The following HEATR5A variants were observed in gnomAD, a reference collection of about 807,000 sequenced individuals.
The protein encoded by HEATR5A is HEAT repeat-containing protein 5A.
HEATR5A carries 178 observed loss-of-function variants against 218.8 expected under a neutral mutation model. That is an observed-to-expected ratio of 0.81 (90% CI 0.72 to 0.92). The LOEUF (loss-of-function observed/expected upper bound fraction) is 0.92. Among genes scored for constraint, HEATR5A ranks in the 40% least tolerant of loss-of-function variants. HEATR5A has a pLI of 0.00. For missense variants in HEATR5A, 2,420 were observed against 2,418.9 expected, an observed-to-expected ratio of 1.00 and a Z score of -0.01; for synonymous variants, 864 against 871.6, an observed-to-expected ratio of 0.99 and a Z score of 0.15.
chr14:31,340,601 G>A (rs1900809289), intron 21 of HEATR5A: 1 of 496,738 alleles, frequency 2.0e-6, no homozygotes, highest in Admixed American at 3.9e-5. Context: ...AATTGGCTTA[G>A]CTTCAGCTTA....
Position 31,302,938 on chromosome 14 carries a change from C to CAA in HEATR5A, c.5240-421_5240-420dup, listed in dbSNP as rs747481722. On this transcript the variant is annotated intron_variant, in intron 32 of 35. Coordinates refer to ENST00000543095, the MANE Select transcript of HEATR5A (RefSeq NM_015473.4). Reference sequence around the variant, plus strand: ...GCAACACAGTGAGACTTCATCTTTACAAAAAAAAAAAAAAAAAAAAAAAAA... The same window carrying CAA: ...GCAACACAGTGAGACTTCATCTTTACAAAAAAAAAAAAAAAAAAAAAAAAAAA... 1.7e-3 allele frequency among the ~76,000 whole-genome samples: 170 copies of CAA among 102,182 alleles called. 7 individuals are homozygous for CAA. The highest frequency in any genetic ancestry group is 6.1e-3 in the African/African-American group (145 of 23,878). The allele number at this position is 102,182 out of a possible 152,430, so 67.0% of individuals were successfully genotyped here.
At chr14:31,416,461 A>T (rs1442305432) in intron 1 of HEATR5A, among the ~76,000 whole-genome samples, 1 of 152,156 alleles carries the variant, frequency 6.6e-6, no homozygotes, top group African/African-American at 2.4e-5. Context: ...TACAGCTTTA[A>T]ATATTTAAAA....
chr14:31,394,286 C>T, intron 5 of HEATR5A, 60 bp from the exon 6 acceptor site: 1 of 1,075,156 alleles, frequency 9.3e-7, no homozygotes, highest in Middle Eastern at 2.1e-4. Flanking sequence ...AGGTTCAGAG[C>T]TATGTAAGTT....
chr14:31,350,758 GTTTTTGT>G, intron 16 of HEATR5A, 41 bp from the exon 17 acceptor site: 1 of 921,284 alleles, frequency 1.1e-6, no homozygotes, highest in Non-Finnish European at 1.6e-6. Flanking sequence ...AAGTAGGTAA[GTTTTTGT>G]TTGTTTGTTT....
In HEATR5A at chr14:31,313,074, T is replaced by TA. The variant is rs1351692557; in HGVS notation, c.4334dup (p.Leu1445PhefsTer36). 1.2e-6 allele frequency: 2 copies of TA among 1,613,866 alleles called. No homozygotes were observed. The highest frequency in any genetic ancestry group is 1.7e-6 in the Non-Finnish European group (2 of 1,179,798). ...TTAGTGTGCCAAGATCTGCATAGAC[T>TA]AAGTCAAGCAGTCCATCTGATGAAC... is the stretch of plus-strand genomic sequence containing the variant. On this transcript the variant is annotated frameshift_variant, in exon 28 of 36. Coordinates refer to ENST00000543095, the MANE Select transcript of HEATR5A (RefSeq NM_015473.4). LOFTEE classifies it high-confidence loss of function.
chr14:31,396,807 G>A (rs2030671678), intron 4 of HEATR5A, among the ~76,000 whole-genome samples: 1 of 152,094 alleles, frequency 6.6e-6, no homozygotes, highest in South Asian at 2.1e-4. Flanking sequence ...AAGGATGTTA[G>A]TTAAAAAAAT....
intron 6 of HEATR5A, among the ~76,000 whole-genome samples, chr14:31,393,239 G>C (rs1434127283): frequency 4.6e-5 from 7 of 152,182 alleles, no homozygotes; most frequent in African/African-American, 1.2e-4. Context: ...CTGGGGGGTG[G>C]TGGCTCACGC....
chr14:31,314,908 C>G (rs1899867263), intron 27 of HEATR5A, among the ~76,000 whole-genome samples: 1 of 152,124 alleles, frequency 6.6e-6, no homozygotes, highest in Non-Finnish European at 1.5e-5. Flanking sequence ...CGTGGTGGCT[C>G]ATGCTTGTGA....
chr14:31,345,270 C>G lies in HEATR5A; in HGVS notation c.2875G>C (p.Ala959Pro), dbSNP rs757074327. The part of the protein sequence containing the change: ...DSTSPDVQTW[A>P]LHSLSLIIDS... ...ATGATCAATGATAGAGAATGTAATG[C>G]CCAGGTCTGTAATGACAAAGAAAAA... The change falls in exon 20 of 36, where the codon GCA becomes CCA. Residue 959 changes from alanine (A) to proline (P), a missense_variant. Ala to Pro is a conservative substitution (Grantham distance 27). Transcript: ENST00000543095. The G allele has an allele frequency of 1.9e-6, 3 of 1,606,114 alleles. No individual in the cohort carries two copies. The highest frequency in any genetic ancestry group is 2.6e-6 in the Non-Finnish European group (3 of 1,175,992).
At chr14:31,418,352 C>T (rs2031524440) in intron 1 of HEATR5A, among the ~76,000 whole-genome samples, 2 of 152,204 alleles carry the variant, frequency 1.3e-5, no homozygotes, top group African/African-American at 4.8e-5. Flanking sequence ...CCAGACAATA[C>T]TCTAGGCTTT....
chr14:31,301,822 T>C (rs1246171470), intron 33 of HEATR5A, among the ~76,000 whole-genome samples: 1 of 143,116 alleles, frequency 7.0e-6, no homozygotes, highest in Non-Finnish European at 1.5e-5. Context: ...TTTTTTTTTT[T>C]TTTTTTTTTT....
At chr14:31,300,913 C>CAGTT (rs934618296) in intron 33 of HEATR5A, among the ~76,000 whole-genome samples, 1 of 151,990 alleles carries the variant, frequency 6.6e-6, no homozygotes, top group Non-Finnish European at 1.5e-5. Flanking sequence ...TAAAAAAAAC[C>CAGTT]AGTTAGAATT....
intron 21 of HEATR5A, among the ~76,000 whole-genome samples, chr14:31,338,857 C>T (rs979491226): frequency 3.3e-5 from 5 of 152,036 alleles, no homozygotes; most frequent in Non-Finnish European, 5.9e-5. Context: ...TGGCTTACGT[C>T]TGTAACGCTA....
chr14:31,378,640 T>C (rs2029873090), intron 11 of HEATR5A, among the ~76,000 whole-genome samples: 1 of 151,728 alleles, frequency 6.6e-6, no homozygotes, highest in Non-Finnish European at 1.5e-5. Flanking sequence ...TACAAAAAAT[T>C]AGCCAGGTGT....
chr14:31,378,888 G>T lies in HEATR5A; in HGVS notation c.1708+1579C>A, dbSNP rs566136527. Among the ~76,000 whole-genome samples, 14 of 151,766 alleles carry T rather than the reference G, an allele frequency of 9.2e-5. No individual in the cohort carries two copies. In the South Asian group the frequency reaches 2.9e-3, roughly 32 times the overall value. On this transcript the variant is annotated intron_variant, in intron 11 of 35. Coordinates refer to ENST00000543095, the MANE Select transcript of HEATR5A (RefSeq NM_015473.4). ...TCCTTTAGGTCAAATTACTTTATAG[G>T]TGTCAAAATGATTTATCGGCCAAAT... is the stretch of plus-strand genomic sequence containing the variant.
At chr14:31,341,358 T>C (rs930577468) in intron 21 of HEATR5A, among the ~76,000 whole-genome samples, 2 of 152,122 alleles carry the variant, frequency 1.3e-5, no homozygotes, top group Non-Finnish European at 2.9e-5. Flanking sequence ...CTTTTTTGAT[T>C]TGGGAAGGCA....
intron 27 of HEATR5A, among the ~76,000 whole-genome samples, chr14:31,313,463 C>T (rs1219110169): frequency 2.0e-5 from 3 of 152,144 alleles, no homozygotes; most frequent in Non-Finnish European, 4.4e-5. Context: ...TATTATATCA[C>T]GGCACTCTTT....
At position 31,307,991 on chromosome 14, in the gene HEATR5A, G is replaced by C; in HGVS notation, c.4720C>G (p.Arg1574Gly). 1.2e-6 allele frequency: 2 copies of C among 1,613,048 alleles called. No homozygotes were observed. The highest frequency in any genetic ancestry group is 1.7e-6 in the Non-Finnish European group (2 of 1,179,530). Reference protein sequence around the residue: ...GISVEFLCSLRSDATMESITA... With the variant: ...GISVEFLCSLGSDATMESITA... The stretch of plus-strand genomic sequence containing the variant: ...ATGCTTTCCATGGTTGCATCTGAAC[G>C]TAAGGAACATAGAAATTCCACGCTG... Residue 1574 changes from arginine to glycine, a missense_variant, in exon 30 of 36, where the codon CGT becomes GGT. Arg to Gly is a moderately radical substitution (Grantham distance 125, BLOSUM62 -2). Transcript: ENST00000543095.
chr14:31,395,717 GTTCC>G (rs574566164), intron 4 of HEATR5A, among the ~76,000 whole-genome samples: 10 of 152,108 alleles, frequency 6.6e-5, no homozygotes, highest in Non-Finnish European at 1.5e-4. Flanking sequence ...GGGCAAATCT[GTTCC>G]TTCATCTAAA....
Sources: allele counts gnomAD v4.1 joint callset (sites outside exome capture counted in the v4.1 genomes callset), GRCh38; gene constraint gnomAD v4.1.1; transcripts MANE v1.5; gene names NCBI Gene and HGNC (gene_info 2026-07-23, HGNC 2026-07-21).